PIEZO1: variants seen among roughly 807,000 people sequenced by gnomAD.
PIEZO1 encodes the protein piezo type mechanosensitive ion channel component 1 (Er blood group), also known as piezo-type mechanosensitive ion channel component 1.
In PIEZO1, 296 loss-of-function variants were observed where a neutral mutation model predicts 297.2. The observed-to-expected ratio is 1.00, with a 90% CI of 0.91 to 1.10. The LOEUF (loss-of-function observed/expected upper bound fraction) is 1.10. PIEZO1 is among the 50% of genes least tolerant of loss of function. The pLI, the probability that PIEZO1 is intolerant of heterozygous loss-of-function variation, is 0.00. For missense variants in PIEZO1, 5,018 were observed against 3,455.5 expected (o/e 1.45, Z -11.34); for synonymous variants, 2,427 against 1,507.5 (o/e 1.61, Z -14.13).
rs145313111 is a variant in PIEZO1 at position 88,742,707 on chromosome 16, C to G, written c.161-285G>C. 6.8e-5 allele frequency: 30 copies of G among 440,802 alleles called. No homozygotes were observed. The East Asian group carries it at 1.4e-3, about 21-fold the overall frequency. 27.3% of individuals were successfully genotyped at this position (440,802 alleles called of 1,614,324 possible). A position where few individuals can be genotyped will look rare whatever the true frequency, so the allele number is the denominator to read the frequency against. On this transcript the variant is annotated intron_variant, in intron 2 of 50. Transcript: ENST00000301015. Reference sequence around the variant, plus strand: ...GCCTCCCAGGCTCAGAGGAAACCACCTGGGGTGTGCTCCCTCATCCAGCAA... The same window carrying G: ...GCCTCCCAGGCTCAGAGGAAACCACGTGGGGTGTGCTCCCTCATCCAGCAA...
In PIEZO1 at chr16:88,733,405, G is replaced by C. The variant is rs1339731988; in HGVS notation, c.2537C>G (p.Pro846Arg). ...LLVVLWAFAL[P>R]YPRFRPMASC... The stretch of plus-strand genomic sequence containing the variant: ...GGCCATGGGCCGGAAGCGTGGGTAG[G>C]GCAGGGCGAAGGCCCACAGCACCAC... The change falls in exon 19 of 51, where the codon CCC becomes CGC. Residue 846 changes from proline to arginine, a missense_variant. By Grantham distance (103) the Pro-to-Arg change is moderately radical. Transcript: ENST00000301015. The C allele has an allele frequency of 1.3e-6, 2 of 1,550,086 alleles. No homozygotes were observed. Among genetic ancestry groups the C allele is most frequent in the Non-Finnish European group, 1.7e-6 (2 of 1,146,810 alleles).
At chr16:88,764,255 C>G (rs1907065643) in intron 1 of PIEZO1, among the ~76,000 whole-genome samples, 1 of 152,144 alleles carries the variant, frequency 6.6e-6, no homozygotes, top group African/African-American at 2.4e-5. Flanking sequence ...TCTTGAAGCC[C>G]CAGCAGCAAG....
At chr16:88,769,209 G>A (rs933110210) in intron 1 of PIEZO1, among the ~76,000 whole-genome samples, 1 of 152,174 alleles carries the variant, frequency 6.6e-6, no homozygotes, top group African/African-American at 2.4e-5. Flanking sequence ...ATACCCTAAA[G>A]GCAGTCACAT....
rs1904292837 is a variant in PIEZO1 at position 88,722,965 on chromosome 16, G to A, written c.4540C>T (p.Leu1514=). ...VQRVLSTAQF[L]WMLGQALVDE... ...ACTAGCGCCTGCCCCAGCATCCACAGGAACTGCGCCGTGCTCAGCACCCTC... is the reference window on the plus strand; with the variant it reads ...ACTAGCGCCTGCCCCAGCATCCACAAGAACTGCGCCGTGCTCAGCACCCTC... Residue 1514 remains leucine, a synonymous_variant, in exon 34 of 51, where the codon CTG becomes TTG. Transcript: ENST00000301015. 4 of 1,548,890 alleles carry A rather than the reference G, an allele frequency of 2.6e-6. No individual in the cohort carries two copies. The highest frequency in any genetic ancestry group is 2.7e-5 in the African/African-American group (2 of 73,024).
chr16:88,764,915 G>C (rs954099709), intron 1 of PIEZO1, among the ~76,000 whole-genome samples: 5 of 152,176 alleles, frequency 3.3e-5, no homozygotes, highest in African/African-American at 1.2e-4. Context: ...ACCCCAGAGA[G>C]GCAACAAGGG....
In PIEZO1 at chr16:88,731,730, C is replaced by T; in HGVS notation, c.3172G>A (p.Gly1058Arg). ...FLLYQYLLCL[G>R]MPPALCIDYP... ...CCAATGCACAGGGCCGGGGGCATCC[C>T]CAGGCACAGCAGGTACTGGTACAGC... is the stretch of plus-strand genomic sequence containing the variant. The change falls in exon 22 of 51, where the codon GGG becomes AGG. Residue 1058 changes from glycine to arginine, a missense_variant. Gly to Arg is a moderately radical substitution (Grantham distance 125, BLOSUM62 -2). Transcript: ENST00000301015. 1 of 1,549,758 alleles carries T rather than the reference C, an allele frequency of 6.5e-7. No homozygotes were observed. The highest frequency in any genetic ancestry group is 8.7e-7 in the Non-Finnish European group (1 of 1,146,800).
At position 88,727,152 on chromosome 16, in the gene PIEZO1, C is replaced by T. The variant is rs996778701; in HGVS notation, c.3342G>A (p.Gln1114=). 26 of 1,548,840 alleles carry T rather than the reference C, an allele frequency of 1.7e-5. No homozygotes were observed. Among genetic ancestry groups the T allele is most frequent in the Admixed American group, 3.9e-5 (2 of 50,964 alleles). The change falls in exon 24 of 51, where the codon CAG becomes CAA. Residue 1114 remains glutamine, a synonymous_variant. Transcript: ENST00000301015. ...CCTCTGTGCGCTCAGCTGAGAACAC[C>T]TGCCACTGCTGGGAGGCGCACAGCA... The part of the protein sequence containing the change: ...LLLLCASQQW[Q]VFSAERTEEW...
chr16:88,742,682 G>A (rs980056841), intron 2 of PIEZO1: 4 of 487,004 alleles, frequency 8.2e-6, no homozygotes, highest in Non-Finnish European at 1.5e-5. Flanking sequence ...GCAGGAAAAG[G>A]CCTCCCAGGC....
chr16:88,726,512 C>A, intron 26 of PIEZO1, 35 bp downstream of exon 26: 1 of 1,546,436 alleles, frequency 6.5e-7, no homozygotes, highest in South Asian at 1.2e-5. Context: ...GGGGGCTTCC[C>A]CACGCCCTCC....
chr16:88,776,433 CAAA>C (rs953674823), intron 1 of PIEZO1, among the ~76,000 whole-genome samples: 1 of 138,546 alleles, frequency 7.2e-6, no homozygotes, highest in African/African-American at 2.6e-5. Flanking sequence ...GACTCTGTCT[CAAA>C]AAAAAAAAAG....
At chr16:88,780,095 C>A (rs1436063578) in intron 1 of PIEZO1, among the ~76,000 whole-genome samples, 1 of 152,214 alleles carries the variant, frequency 6.6e-6, no homozygotes, top group East Asian at 1.9e-4. Context: ...TGCCCACGAG[C>A]CGCCACCAGG....
intron 1 of PIEZO1, among the ~76,000 whole-genome samples, chr16:88,770,993 T>C (rs1346321529): frequency 6.6e-6 from 1 of 152,234 alleles, no homozygotes; most frequent in African/African-American, 2.4e-5. Flanking sequence ...CCCTCTCATC[T>C]GCAGGCGGGG....
intron 1 of PIEZO1, among the ~76,000 whole-genome samples, chr16:88,755,733 G>A (rs1222191778): frequency 5.3e-5 from 8 of 152,264 alleles, no homozygotes; most frequent in Non-Finnish European, 7.3e-5. Context: ...AAAGGGGACA[G>A]TGCAGAAGGC....
chr16:88,758,488 T>C (rs1906777532), intron 1 of PIEZO1, among the ~76,000 whole-genome samples: 1 of 152,196 alleles, frequency 6.6e-6, no homozygotes, highest in East Asian at 1.9e-4. Flanking sequence ...TAGCAGCTCA[T>C]GCGTAACTGC....
chr16:88,734,088 T>G (rs1015424453), intron 16 of PIEZO1, 34 bp from the exon 17 acceptor site: 9 of 1,478,758 alleles, frequency 6.1e-6, no homozygotes, highest in Non-Finnish European at 8.1e-6. Context: ...ATCTCCCAAC[T>G]GGGTTCCTGC....
chr16:88,727,962 C>G (rs1904575970), intron 22 of PIEZO1: 1 of 241,880 alleles, frequency 4.1e-6, no homozygotes. Flanking sequence ...CATGATAGGA[C>G]AGTGCGTGTG....
intron 19 of PIEZO1, 50 bp from the exon 20 acceptor site, chr16:88,732,782 T>A: frequency 6.8e-7 from 1 of 1,473,706 alleles, no homozygotes; most frequent in Admixed American, 2.2e-5. Context: ...CAGTGCCCCC[T>A]GGCCCTGCCC....
At chr16:88,774,879 G>C (rs2142904108) in intron 1 of PIEZO1, among the ~76,000 whole-genome samples, 1 of 152,340 alleles carries the variant, frequency 6.6e-6, no homozygotes, top group Admixed American at 6.5e-5. Flanking sequence ...CAGGCATTCA[G>C]AGATGGTAAT....
At chr16:88,736,574 C>A in intron 11 of PIEZO1, 65 bp downstream of exon 11, 1 of 1,365,162 alleles carries the variant, frequency 7.3e-7, no homozygotes, top group South Asian at 1.5e-5. Context: ...CGCACCCCAC[C>A]CAGGCGATGC....
Sources: gnomAD v4.1 joint callset for allele counts (sites outside exome capture counted in the v4.1 genomes callset) on GRCh38, gnomAD v4.1.1 for gene constraint, MANE v1.5 for transcripts, NCBI Gene and HGNC (gene_info 2026-07-23, HGNC 2026-07-21) for gene names.